CERS6: variants seen among roughly 807,000 people sequenced by gnomAD.
CERS6 encodes ceramide synthase 6, also known as LAG1 homolog, ceramide synthase 6.
CERS6 carries 26 observed loss-of-function variants against 56.8 expected under a neutral mutation model. That is an observed-to-expected ratio of 0.46 (90% CI 0.34 to 0.63). CERS6 has a LOEUF of 0.63. Among genes scored for constraint, CERS6 ranks in the 30% least tolerant of loss-of-function variants. The pLI, the probability that CERS6 is intolerant of heterozygous loss-of-function variation, is 0.01. For synonymous variants in CERS6, 164 were observed against 173.3 expected, an observed-to-expected ratio of 0.95 and a Z score of 0.42; for missense variants, 415 against 467.5, an observed-to-expected ratio of 0.89 and a Z score of 1.04.
intron 1 of CERS6, among the ~76,000 whole-genome samples, chr2:168,531,820 CA>C (rs370604357): frequency 0.038 from 3,647 of 95,524 alleles, 43 homozygotes; most frequent in South Asian, 0.069. Context: ...GACTCTGTCT[CA>C]AAAAAAAAAA....
intron 7 of CERS6, 81 bp from the exon 8 acceptor site, chr2:168,717,791 A>G (rs770136492): frequency 8.3e-6 from 8 of 960,204 alleles, no homozygotes; most frequent in Non-Finnish European, 1.3e-5. Context: ...GGTATATCTT[A>G]TAGGAGATTC....
At chr2:168,688,662 G>T (rs546678084) in intron 4 of CERS6, among the ~76,000 whole-genome samples, 2 of 152,160 alleles carry the variant, frequency 1.3e-5, no homozygotes, top group Non-Finnish European at 2.9e-5. Context: ...AGAGTGAGGG[G>T]TATATGTGAA....
chr2:168,743,522 C>G (rs1683990692), intron 8 of CERS6, among the ~76,000 whole-genome samples: 1 of 147,532 alleles, frequency 6.8e-6, no homozygotes, highest in Non-Finnish European at 1.5e-5. Context: ...GTAGTCCCAG[C>G]TACTTGGGAA....
chr2:168,689,314 A>T (rs1188497340), intron 4 of CERS6, among the ~76,000 whole-genome samples: 1 of 152,140 alleles, frequency 6.6e-6, no homozygotes, highest in Admixed American at 6.5e-5. Flanking sequence ...TTTAAAATAG[A>T]TGTTGCTGTG....
chr2:168,736,158 A>G (rs1683711643), intron 8 of CERS6, among the ~76,000 whole-genome samples: 1 of 152,168 alleles, frequency 6.6e-6, no homozygotes, highest in East Asian at 1.9e-4. Flanking sequence ...TGTTACCATT[A>G]CTGTAAGTAA....
At chr2:168,712,765 A>G (rs73973411) in intron 6 of CERS6, among the ~76,000 whole-genome samples, 1,591 of 152,252 alleles carry the variant, frequency 0.01, 33 homozygotes, top group African/African-American at 0.037. Context: ...TGAACACATC[A>G]GGATAGAAAG....
At chr2:168,671,467 G>C (rs1685915777) in intron 4 of CERS6, among the ~76,000 whole-genome samples, 1 of 152,074 alleles carries the variant, frequency 6.6e-6, no homozygotes, top group Admixed American at 6.5e-5. Flanking sequence ...CCTATATTTA[G>C]ACAGTTTTTG....
chr2:168,486,867 G>A (rs559206205), intron 1 of CERS6, among the ~76,000 whole-genome samples: 1 of 152,168 alleles, frequency 6.6e-6, no homozygotes, highest in African/African-American at 2.4e-5. Context: ...ACATCTCCTT[G>A]TCCTTATCCA....
chr2:168,757,858 G>A (rs1314533919), intron 8 of CERS6, among the ~76,000 whole-genome samples: 2 of 152,230 alleles, frequency 1.3e-5, no homozygotes, highest in Non-Finnish European at 2.9e-5. Context: ...CAGTATTGTG[G>A]AGAATGTAAG....
intron 4 of CERS6, among the ~76,000 whole-genome samples, chr2:168,689,602 G>T (rs1005846747): frequency 5.9e-5 from 9 of 152,118 alleles, no homozygotes; most frequent in African/African-American, 1.7e-4. Context: ...ACTCTGTGAG[G>T]TCAATAATGA....
intron 2 of CERS6, among the ~76,000 whole-genome samples, chr2:168,555,272 C>G (rs1276286763): frequency 6.6e-6 from 1 of 151,882 alleles, no homozygotes; most frequent in Non-Finnish European, 1.5e-5. Context: ...TTTATAAATA[C>G]TGTCTTATTA....
In CERS6 at chr2:168,647,663, C is replaced by G. The variant is rs547745915; in HGVS notation, c.465+16621C>G. ...GGCTGTGGGTTTGTCATAGATGGCT[C>G]TTATTATTTTTAGGTATGTTCTTTC... On this transcript the variant is annotated intron_variant, in intron 4 of 9. Transcript: ENST00000305747. Among the ~76,000 whole-genome samples, 16 of 152,150 alleles carry G rather than the reference C, an allele frequency of 1.1e-4. No homozygotes were observed. The East Asian group carries it at 2.7e-3, about 26-fold the overall frequency.
chr2:168,460,322 G>A (rs1255196721), intron 1 of CERS6, among the ~76,000 whole-genome samples: 1 of 151,944 alleles, frequency 6.6e-6, no homozygotes, highest in Non-Finnish European at 1.5e-5. Flanking sequence ...AGCCTCACGA[G>A]TAGCTAGGAC....
intron 8 of CERS6, among the ~76,000 whole-genome samples, chr2:168,746,034 C>T (rs1248123335): frequency 6.6e-6 from 1 of 152,146 alleles, no homozygotes; most frequent in Non-Finnish European, 1.5e-5. Flanking sequence ...AAAGAGGGGT[C>T]AGGAATCCCC....
At chr2:168,610,511 T>A (rs1684162044) in intron 3 of CERS6, among the ~76,000 whole-genome samples, 1 of 152,228 alleles carries the variant, frequency 6.6e-6, no homozygotes, top group Non-Finnish European at 1.5e-5. Context: ...GTATTTGATT[T>A]GATTTCATTT....
chr2:168,548,110 T>C (rs1695500254), intron 2 of CERS6, among the ~76,000 whole-genome samples: 1 of 152,140 alleles, frequency 6.6e-6, no homozygotes, highest in Non-Finnish European at 1.5e-5. Context: ...GCATTGTCCA[T>C]AGATTCTAGG....
At chr2:168,758,529 T>C (rs1389939267) in intron 8 of CERS6, among the ~76,000 whole-genome samples, 2 of 152,196 alleles carry the variant, frequency 1.3e-5, no homozygotes, top group Admixed American at 1.3e-4. Context: ...TTGCGGTTAC[T>C]TGACATGGCC....
At chr2:168,676,886 C>T (rs531938242) in intron 4 of CERS6, among the ~76,000 whole-genome samples, 17 of 152,118 alleles carry the variant, frequency 1.1e-4, no homozygotes, top group East Asian at 5.8e-4. Context: ...TCCTTCTAAT[C>T]GCGACTGTCT....
At chr2:168,678,429 C>T (rs1226915154) in intron 4 of CERS6, among the ~76,000 whole-genome samples, 4 of 152,200 alleles carry the variant, frequency 2.6e-5, no homozygotes, top group African/African-American at 9.7e-5. Flanking sequence ...GATCGTCAGA[C>T]TTCCAGCTGA....
Sources: allele counts gnomAD v4.1 joint callset (sites outside exome capture counted in the v4.1 genomes callset), GRCh38; gene constraint gnomAD v4.1.1; transcripts MANE v1.5; gene names NCBI Gene and HGNC (gene_info 2026-07-23, HGNC 2026-07-21).